The following STK33 variants were observed in gnomAD, a reference collection of about 807,000 sequenced individuals.
The protein encoded by STK33 is serine/threonine-protein kinase 33.
Under a neutral mutation model 58.0 loss-of-function variants are expected in STK33, and 52 were observed. That is an observed-to-expected ratio of 0.90 (90% CI 0.72 to 1.13). The LOEUF is 1.13. STK33 is among the 50% of genes most tolerant of loss of function. The pLI, the probability that STK33 is intolerant of heterozygous loss-of-function variation, is 0.00. For missense variants in STK33, 630 were observed against 604.2 expected, an observed-to-expected ratio of 1.04 and a Z score of -0.45; for synonymous variants, 215 against 200.1, an observed-to-expected ratio of 1.07 and a Z score of -0.63.
chr11:8,468,806 T>C (rs1294304252), intron 6 of STK33, among the ~76,000 whole-genome samples: 2 of 152,228 alleles, frequency 1.3e-5, no homozygotes, highest in Non-Finnish European at 2.9e-5. Context: ...TATACAGAGA[T>C]ACCTCAGAGA....
In STK33 at chr11:8,493,268, A is replaced by G. The variant is rs1275814827; in HGVS notation, c.-465-12654T>C. Among the ~76,000 whole-genome samples the G allele has an allele frequency of 3.9e-5, 6 of 152,314 alleles. No homozygotes were observed. The East Asian group carries it at 1.2e-3, about 29-fold the overall frequency. ...CAATAAAGATGATAAAGGGGATAGC[A>G]CCACCGATGACACAGAAATACAAAC... On this transcript the variant is annotated intron_variant, in intron 1 of 15. Transcript: ENST00000687296.
chr11:8,358,663 T>C, the STK33 span, among the ~76,000 whole-genome samples: 1 of 152,186 alleles, frequency 6.6e-6, no homozygotes, highest in Admixed American at 6.5e-5. Context: ...CAAACCAGCC[T>C]GAAGGGGCTC....
chr11:8,409,965 T>G (rs1178122750), intron 15 of STK33, among the ~76,000 whole-genome samples: 1 of 151,972 alleles, frequency 6.6e-6, no homozygotes, highest in African/African-American at 2.4e-5. Flanking sequence ...CCAGGCAGCC[T>G]AGATCCGAAG....
At chr11:8,463,251 G>T (rs1247328248) in intron 7 of STK33, among the ~76,000 whole-genome samples, 1 of 152,162 alleles carries the variant, frequency 6.6e-6, no homozygotes, top group South Asian at 2.1e-4. Context: ...GCGGGAGAGG[G>T]CATGGTTTCA....
chr11:8,351,719 C>T, the STK33 span, among the ~76,000 whole-genome samples: 4 of 152,218 alleles, frequency 2.6e-5, no homozygotes, highest in Non-Finnish European at 5.9e-5. Flanking sequence ...GTGCACGCTT[C>T]AGCGCTTATA....
Position 8,573,566 on chromosome 11 carries a change from G to A in STK33, c.-466+20517C>T, listed in dbSNP as rs148635565. Among the ~76,000 whole-genome samples, 28 of 152,302 alleles carry A rather than the reference G, an allele frequency of 1.8e-4. No individual in the cohort carries two copies. The East Asian group carries it at 1.9e-3, about 10-fold the overall frequency. ...AATTGACTTATTACATGACCCAGTC[G>A]TTGTACTCTTGGGCATTTATCCCAA... On this transcript the variant is annotated intron_variant, in intron 1 of 15. Coordinates refer to ENST00000687296, the MANE Select transcript of STK33 (RefSeq NM_001352389.2).
intron 15 of STK33, among the ~76,000 whole-genome samples, chr11:8,406,707 AT>A (rs1216946261): frequency 3.3e-5 from 5 of 152,290 alleles, no homozygotes; most frequent in African/African-American, 1.2e-4. Flanking sequence ...TAGATCTTGC[AT>A]CCAGCAACCT....
chr11:8,344,766 G>A, the STK33 span, among the ~76,000 whole-genome samples: 1 of 152,218 alleles, frequency 6.6e-6, no homozygotes, highest in Non-Finnish European at 1.5e-5. Context: ...TGCCTGAGAT[G>A]GGCTCAAATC....
intron 2 of STK33, among the ~76,000 whole-genome samples, chr11:8,479,519 T>C (rs1408224127): frequency 6.6e-6 from 1 of 151,606 alleles, no homozygotes; most frequent in East Asian, 1.9e-4. Flanking sequence ...TCCCTGTTGA[T>C]ATCAGTCTTT....
intron 11 of STK33, among the ~76,000 whole-genome samples, chr11:8,451,136 G>A (rs1297865180): frequency 6.6e-6 from 1 of 152,116 alleles, no homozygotes; most frequent in South Asian, 2.1e-4. Context: ...CTGGTGGGAA[G>A]GTAACGATCA....
At chr11:8,577,179 C>T (rs1350344138) in intron 1 of STK33, among the ~76,000 whole-genome samples, 1 of 152,132 alleles carries the variant, frequency 6.6e-6, no homozygotes, top group Non-Finnish European at 1.5e-5. Context: ...CACTCTTTTA[C>T]ATTCAATTAT....
intron 8 of STK33, among the ~76,000 whole-genome samples, chr11:8,460,972 T>C (rs536006038): frequency 2.0e-5 from 3 of 152,274 alleles, no homozygotes; most frequent in Non-Finnish European, 2.9e-5. Context: ...CAAAGAACAA[T>C]AGAGAAACAT....
chr11:8,350,731 C>T, the STK33 span, among the ~76,000 whole-genome samples: 1 of 152,150 alleles, frequency 6.6e-6, no homozygotes, highest in Admixed American at 6.5e-5. Flanking sequence ...ACAGTGTTTG[C>T]AGCTAAGTGG....
At chr11:8,391,023 TC>T (rs2134837036), downstream of STK33, among the ~76,000 whole-genome samples, 1 of 152,282 alleles carries the variant, frequency 6.6e-6, no homozygotes, top group African/African-American at 2.4e-5. Context: ...GTGCACTAGG[TC>T]CCTGCTTCTC....
At chr11:8,421,957 C>G (rs566379401) in intron 14 of STK33, among the ~76,000 whole-genome samples, 36 of 152,156 alleles carry the variant, frequency 2.4e-4, no homozygotes, top group African/African-American at 8.4e-4. Flanking sequence ...TTTCTAATAA[C>G]TTATTTGTAG....
At chr11:8,427,647 C>T (rs1430113556) in intron 14 of STK33, among the ~76,000 whole-genome samples, 1 of 152,030 alleles carries the variant, frequency 6.6e-6, no homozygotes, top group African/African-American at 2.4e-5. Flanking sequence ...ACTTATTTAT[C>T]CTCTCCTGCT....
intron 1 of STK33, among the ~76,000 whole-genome samples, chr11:8,482,165 C>G (rs1006928980): frequency 1.1e-4 from 17 of 152,114 alleles, no homozygotes; most frequent in Non-Finnish European, 2.1e-4. Context: ...ATCCCAGACT[C>G]GTAGCCAGAA....
chr11:8,444,744 C>A (rs1456404793), intron 11 of STK33, among the ~76,000 whole-genome samples: 1 of 151,762 alleles, frequency 6.6e-6, no homozygotes, highest in Non-Finnish European at 1.5e-5. Context: ...CAAGAAAATG[C>A]AGAAAACTTG....
At chr11:8,578,233 C>T (rs919105599) in intron 1 of STK33, among the ~76,000 whole-genome samples, 11 of 152,098 alleles carry the variant, frequency 7.2e-5, no homozygotes, top group South Asian at 2.1e-4. Flanking sequence ...TTCACCATGC[C>T]GACAGTAATC....
Sources: gnomAD v4.1 joint callset for allele counts (sites outside exome capture counted in the v4.1 genomes callset) on GRCh38, gnomAD v4.1.1 for gene constraint, MANE v1.5 for transcripts, NCBI Gene and HGNC (gene_info 2026-07-23, HGNC 2026-07-21) for gene names.